Variants in MOB3B observed in about 807,000 individuals in gnomAD.
The protein encoded by MOB3B is MOB kinase activator-like 2B.
In MOB3B, 7 loss-of-function variants were observed where a neutral mutation model predicts 18.7. That is an observed-to-expected ratio of 0.37 (90% CI 0.21 to 0.70). The LOEUF (loss-of-function observed/expected upper bound fraction) is 0.70. MOB3B is among the 30% of genes least tolerant of loss of function. MOB3B has a pLI of 0.52. For synonymous variants in MOB3B, 111 were observed against 99.9 expected (o/e 1.11, Z -0.66); for missense variants, 253 against 281.3 (o/e 0.90, Z 0.72).
intron 1 of MOB3B, among the ~76,000 whole-genome samples, chr9:27,473,871 A>T (rs887993273): frequency 6.6e-6 from 1 of 152,208 alleles, no homozygotes; most frequent in Non-Finnish European, 1.5e-5. Flanking sequence ...TCTAACCTCC[A>T]ATGTGATGGC....
intron 3 of MOB3B, among the ~76,000 whole-genome samples, chr9:27,355,268 T>TG (rs561654841): frequency 1.2e-3 from 180 of 151,926 alleles, no homozygotes; most frequent in African/African-American, 4.1e-3. Context: ...GATGAGGTGG[T>TG]GGGGGGGTCT....
chr9:27,354,578 A>G (rs1372883820), intron 3 of MOB3B, among the ~76,000 whole-genome samples: 3 of 152,230 alleles, frequency 2.0e-5, no homozygotes, highest in African/African-American at 4.8e-5. Flanking sequence ...GGAGGTCTGC[A>G]TGCATGTTCT....
At chr9:27,511,188 C>G (rs931003268) in intron 1 of MOB3B, among the ~76,000 whole-genome samples, 2 of 143,136 alleles carry the variant, frequency 1.4e-5, no homozygotes, top group Non-Finnish European at 3.0e-5. Flanking sequence ...GGTAGTGATG[C>G]TATTAGGTAA....
chr9:27,366,931 T>TCTG (rs1452848373), intron 2 of MOB3B, among the ~76,000 whole-genome samples: 4 of 152,234 alleles, frequency 2.6e-5, no homozygotes, highest in African/African-American at 4.8e-5. Flanking sequence ...CATCTGTTAT[T>TCTG]CTGCTCCTGA....
At chr9:27,409,376 G>T (rs1033603595) in intron 2 of MOB3B, among the ~76,000 whole-genome samples, 2 of 152,154 alleles carry the variant, frequency 1.3e-5, no homozygotes, top group Non-Finnish European at 2.9e-5. Flanking sequence ...TCATAACCAT[G>T]ATGAGATACC....
chr9:27,477,535 T>C (rs1196709648), intron 1 of MOB3B, among the ~76,000 whole-genome samples: 2 of 152,256 alleles, frequency 1.3e-5, no homozygotes, highest in Non-Finnish European at 2.9e-5. Context: ...GTGTTATTTA[T>C]TGTTGTGCCC....
chr9:27,528,709 A>C (rs901431077), intron 1 of MOB3B, among the ~76,000 whole-genome samples: 28 of 152,178 alleles, frequency 1.8e-4, no homozygotes, highest in African/African-American at 6.8e-4. Flanking sequence ...GCCATTCGCC[A>C]CGATCTCAGT....
chr9:27,359,772 CT>C (rs1821247155), intron 2 of MOB3B, among the ~76,000 whole-genome samples: 1 of 152,134 alleles, frequency 6.6e-6, no homozygotes, highest in Non-Finnish European at 1.5e-5. Flanking sequence ...GGGAGGAGGT[CT>C]TGTTTTTCAT....
At chr9:27,394,862 T>C (rs577192659) in intron 2 of MOB3B, among the ~76,000 whole-genome samples, 1 of 152,294 alleles carries the variant, frequency 6.6e-6, no homozygotes, top group South Asian at 2.1e-4. Flanking sequence ...GCTGGGAATA[T>C]AGTTTGATGC....
intron 1 of MOB3B, chr9:27,524,448 A>G: frequency 1.2e-6 from 2 of 1,614,118 alleles, no homozygotes; most frequent in Non-Finnish European, 1.7e-6. Flanking sequence ...CGTTCACCTG[A>G]GAAGAGTCAC....
At chr9:27,348,049 GGCAA>G (rs974396421) in intron 3 of MOB3B, among the ~76,000 whole-genome samples, 2 of 152,138 alleles carry the variant, frequency 1.3e-5, no homozygotes, top group African/African-American at 4.8e-5. Flanking sequence ...AGTGGTGGAG[GGCAA>G]GTTACTGTGA....
chr9:27,417,675 G>GA (rs984438091), intron 2 of MOB3B, among the ~76,000 whole-genome samples: 1 of 152,114 alleles, frequency 6.6e-6, no homozygotes, highest in Non-Finnish European at 1.5e-5. Flanking sequence ...AAGGGATGGT[G>GA]AAAAAAACCA....
intron 1 of MOB3B, among the ~76,000 whole-genome samples, chr9:27,473,643 G>A (rs1461461210): frequency 6.6e-6 from 1 of 152,114 alleles, no homozygotes; most frequent in Non-Finnish European, 1.5e-5. Context: ...GCCCCAAACA[G>A]GGGATGTTGG....
At chr9:27,359,382 G>GA in intron 2 of MOB3B, 146 bp from the exon 3 acceptor site, 2 of 607,542 alleles carry the variant, frequency 3.3e-6, no homozygotes, top group Non-Finnish European at 5.7e-6. Flanking sequence ...TGTGTGTGGG[G>GA]GGGGGGGGTT....
chr9:27,492,242 A>C (rs1563882071), intron 1 of MOB3B, among the ~76,000 whole-genome samples: 1 of 152,146 alleles, frequency 6.6e-6, no homozygotes, highest in Non-Finnish European at 1.5e-5. Flanking sequence ...GAAGAGATTA[A>C]CTTTTTTCTT....
At chr9:27,494,186 C>T (rs966463956) in intron 1 of MOB3B, among the ~76,000 whole-genome samples, 1 of 152,166 alleles carries the variant, frequency 6.6e-6, no homozygotes, top group Non-Finnish European at 1.5e-5. Flanking sequence ...AACCCTGTCT[C>T]CTGATAAGAT....
At chr9:27,387,030 C>T (rs974911171) in intron 2 of MOB3B, among the ~76,000 whole-genome samples, 1 of 152,080 alleles carries the variant, frequency 6.6e-6, no homozygotes, top group Non-Finnish European at 1.5e-5. Context: ...GTTGCTTCTG[C>T]GTACCAAAAT....
At chr9:27,378,358 A>T (rs1315585549) in intron 2 of MOB3B, 1 of 471,722 alleles carries the variant, frequency 2.1e-6, no homozygotes, top group East Asian at 6.9e-5. Context: ...ATTGCTGCTC[A>T]CCTACTCTCC....
chr9:27,364,624 G>T (rs1344355862), intron 2 of MOB3B, among the ~76,000 whole-genome samples: 1 of 152,192 alleles, frequency 6.6e-6, no homozygotes, highest in Non-Finnish European at 1.5e-5. Flanking sequence ...ATATGCAGAT[G>T]ATGTAGTGTC....
Sources: allele counts gnomAD v4.1 joint callset (sites outside exome capture counted in the v4.1 genomes callset), GRCh38; gene constraint gnomAD v4.1.1; transcripts MANE v1.5; gene names NCBI Gene and HGNC (gene_info 2026-07-23, HGNC 2026-07-21).